The following FBN1 variants were observed in gnomAD, a reference collection of about 807,000 sequenced individuals.
FBN1 encodes the protein fibrillin-1.
In FBN1, 29 loss-of-function variants were observed where a neutral mutation model predicts 365.1. The observed-to-expected ratio is 0.08, with a 90% CI of 0.06 to 0.11. FBN1 has a LOEUF of 0.11. Among genes scored for constraint, FBN1 ranks in the 10% least tolerant of loss-of-function variants. The pLI is 1.00. For synonymous variants in FBN1, 1,210 were observed against 1,270.5 expected (o/e 0.95, Z 1.01); for missense variants, 2,476 against 3,703.2 (o/e 0.67, Z 8.60).
intron 60 of FBN1, among the ~76,000 whole-genome samples, chr15:48,424,801 A>G (rs1158838841): frequency 2.0e-5 from 3 of 152,194 alleles, no homozygotes; most frequent in East Asian, 1.9e-4. Flanking sequence ...TTTGCAAAGG[A>G]TAACTTCTGG....
At chr15:48,563,611 T>C (rs1339156969) in intron 6 of FBN1, among the ~76,000 whole-genome samples, 2 of 152,208 alleles carry the variant, frequency 1.3e-5, no homozygotes, top group African/African-American at 4.8e-5. Context: ...GTTATGTGTA[T>C]TTAGCCAACT....
rs1206192842 is a variant in FBN1 at position 48,508,795 on chromosome 15, ATTTC to A, written c.1715-95_1715-92del. ...GATGAAAATAATTCTGTTTCTTCGTATTTCTTTCTTTTTGTTATTACAGCCTAAG... is the reference window on the plus strand; with the variant it reads ...GATGAAAATAATTCTGTTTCTTCGTATTTCTTTTTGTTATTACAGCCTAAG... On this transcript the variant is annotated intron_variant, in intron 14 of 65. Transcript: ENST00000316623. The A allele has an allele frequency of 6.7e-6, 10 of 1,503,220 alleles. No homozygotes were observed. The Admixed American group carries it at 8.7e-5, about 13-fold the overall frequency. 93.1% of individuals were successfully genotyped at this position (1,503,220 alleles called of 1,614,324 possible).
intron 60 of FBN1, 92 bp downstream of exon 60, chr15:48,425,277 G>A (rs1165458340): frequency 1.9e-6 from 3 of 1,561,046 alleles, no homozygotes; most frequent in Non-Finnish European, 2.6e-6. Flanking sequence ...TGTAGAGCAG[G>A]TCTTTCGGCT....
chr15:48,570,042 T>C (rs2044294896), intron 6 of FBN1, among the ~76,000 whole-genome samples: 1 of 152,178 alleles, frequency 6.6e-6, no homozygotes, highest in African/African-American at 2.4e-5. Flanking sequence ...ATGCACACGT[T>C]GTCAACTAAT....
intron 7 of FBN1, among the ~76,000 whole-genome samples, chr15:48,534,950 C>T (rs2044002672): frequency 6.6e-6 from 1 of 152,156 alleles, no homozygotes; most frequent in Admixed American, 6.5e-5. Context: ...TGTACTATGT[C>T]CTGGGGAGTT....
At chr15:48,507,825 T>C (rs918979139) in intron 15 of FBN1, among the ~76,000 whole-genome samples, 4 of 152,146 alleles carry the variant, frequency 2.6e-5, no homozygotes, top group Non-Finnish European at 5.9e-5. Context: ...GAAGTCTGGT[T>C]CCAACTCAGA....
chr15:48,468,325 T>C (rs1276376818), intron 37 of FBN1, 87 bp downstream of exon 37: 1 of 1,535,882 alleles, frequency 6.5e-7, no homozygotes, highest in Non-Finnish European at 9.0e-7. Flanking sequence ...TCATTCATTT[T>C]GCAAACTTTG....
rs371088062 is a variant in FBN1 at position 48,465,517 on chromosome 15, G to C, written c.4942+51C>G. The C allele has an allele frequency of 1.1e-5, 17 of 1,608,424 alleles. No individual in the cohort carries two copies. The African/African-American group carries it at 1.9e-4, about 18-fold the overall frequency. On this transcript the variant is annotated intron_variant, in intron 40 of 65. Transcript: ENST00000316623. Reference sequence around the variant, plus strand: ...CTAGTAACCATATTCTGGTTTTGCAGGTCAGTTCTTGATATCTGCAAGACC... The same window carrying C: ...CTAGTAACCATATTCTGGTTTTGCACGTCAGTTCTTGATATCTGCAAGACC...
At chr15:48,553,801 TG>T (rs2044160366) in intron 6 of FBN1, among the ~76,000 whole-genome samples, 1 of 152,154 alleles carries the variant, frequency 6.6e-6, no homozygotes, top group African/African-American at 2.4e-5. Context: ...AATTATGAGC[TG>T]GTTGTGCTTC....
intron 43 of FBN1, among the ~76,000 whole-genome samples, chr15:48,457,089 T>C (rs114115319): frequency 6.6e-6 from 1 of 152,120 alleles, no homozygotes; most frequent in African/African-American, 2.4e-5. Context: ...TGGTCAAGGG[T>C]AAACAGCCTC....
intron 60 of FBN1, among the ~76,000 whole-genome samples, chr15:48,422,905 C>A (rs1471675141): frequency 6.6e-6 from 1 of 151,966 alleles, no homozygotes; most frequent in Non-Finnish European, 1.5e-5. Context: ...CCAGCCTGGG[C>A]AACAGAGTGA....
intron 65 of FBN1, among the ~76,000 whole-genome samples, chr15:48,411,780 A>G (rs2042865920): frequency 6.6e-6 from 1 of 152,266 alleles, no homozygotes; most frequent in Non-Finnish European, 1.5e-5. Flanking sequence ...GATGCATGCT[A>G]AAGTTTGAGA....
intron 6 of FBN1, among the ~76,000 whole-genome samples, chr15:48,542,328 G>C (rs2044063885): frequency 6.6e-6 from 1 of 152,102 alleles, no homozygotes; most frequent in South Asian, 2.1e-4. Context: ...TGGGCACTAG[G>C]CTCCAATTAT....
At chr15:48,481,812 G>A (rs2043467647) in intron 31 of FBN1, 32 bp from the exon 32 acceptor site, 1 of 1,580,916 alleles carries the variant, frequency 6.3e-7, no homozygotes, top group African/African-American at 1.3e-5. Context: ...AATATATGTA[G>A]CTATTTGATA....
intron 17 of FBN1, among the ~76,000 whole-genome samples, chr15:48,500,257 T>TA (rs149552861): frequency 0.066 from 10,049 of 152,308 alleles, 449 homozygotes; most frequent in Non-Finnish European, 0.1. Flanking sequence ...ACCAGTTTTA[T>TA]AAAAAGGACT....
At chr15:48,415,417 T>C in intron 64 of FBN1, 119 bp downstream of exon 64, 1 of 810,668 alleles carries the variant, frequency 1.2e-6, no homozygotes, top group Non-Finnish European at 2.1e-6. Flanking sequence ...TGGAATTAAT[T>C]TTAGGATTAC....
intron 7 of FBN1, 25 bp downstream of exon 7, chr15:48,537,586 A>G: frequency 6.2e-7 from 1 of 1,613,524 alleles, no homozygotes. Flanking sequence ...TTAATCCATT[A>G]ATAATTCCAT....
At chr15:48,464,588 T>C (rs2141268415) in intron 40 of FBN1, among the ~76,000 whole-genome samples, 3 of 152,252 alleles carry the variant, frequency 2.0e-5, no homozygotes, top group Admixed American at 2.0e-4. Context: ...CATTATCAAA[T>C]ATAATAATGA....
intron 54 of FBN1, among the ~76,000 whole-genome samples, chr15:48,434,111 T>C (rs1286064220): frequency 2.0e-5 from 3 of 152,190 alleles, no homozygotes; most frequent in Non-Finnish European, 4.4e-5. Flanking sequence ...GGCTTACGGA[T>C]GGACACTTTT....
Sources: allele counts gnomAD v4.1 joint callset (sites outside exome capture counted in the v4.1 genomes callset), GRCh38; gene constraint gnomAD v4.1.1; transcripts MANE v1.5; gene names NCBI Gene and HGNC (gene_info 2026-07-23, HGNC 2026-07-21).